Variants in ZHX2 observed in about 807,000 individuals in gnomAD.
ZHX2 encodes zinc fingers and homeoboxes 2.
Under a neutral mutation model 21.9 loss-of-function variants are expected in ZHX2, and 6 were observed. That is an observed-to-expected ratio of 0.27 (90% CI 0.15 to 0.54). The LOEUF (loss-of-function observed/expected upper bound fraction) is 0.54, where lower values mean the gene tolerates loss of function less well. Ranked by LOEUF, ZHX2 falls within the 20% of genes least tolerant of loss-of-function variation. The probability of loss-of-function intolerance (pLI) is 0.95; values close to 1 mark genes in which losing one functional copy is unlikely to be tolerated. For synonymous variants in ZHX2, 434 were observed against 437.1 expected, an observed-to-expected ratio of 0.99 and a Z score of 0.09; for missense variants, 908 against 1,090.7, an observed-to-expected ratio of 0.83 and a Z score of 2.36.
intron 2 of ZHX2, among the ~76,000 whole-genome samples, chr8:122,914,730 G>A (rs1025540390): frequency 1.3e-5 from 2 of 152,184 alleles, no homozygotes; most frequent in Non-Finnish European, 2.9e-5. Context: ...TCCTGGAAAC[G>A]TGCTTTTCTC....
At chr8:122,803,583 C>G (rs1381375749) in intron 1 of ZHX2, among the ~76,000 whole-genome samples, 1 of 152,264 alleles carries the variant, frequency 6.6e-6, no homozygotes, top group Non-Finnish European at 1.5e-5. Context: ...GCTGTGACAA[C>G]CGAAACTGTC....
chr8:122,835,844 T>C (rs180673811), intron 1 of ZHX2, among the ~76,000 whole-genome samples: 5 of 152,356 alleles, frequency 3.3e-5, no homozygotes, highest in African/African-American at 4.8e-5. Flanking sequence ...GTTAAAATTG[T>C]AAAGTTGAAT....
chr8:122,951,230 G>A (rs551100609), intron 2 of ZHX2, 62 bp from the exon 3 acceptor site: 2 of 377,344 alleles, frequency 5.3e-6, no homozygotes, highest in Non-Finnish European at 9.6e-6. Flanking sequence ...AACTCATAAA[G>A]AAGTGCCAGT....
intron 1 of ZHX2, among the ~76,000 whole-genome samples, chr8:122,819,406 A>C (rs1208940085): frequency 6.6e-6 from 1 of 152,256 alleles, no homozygotes; most frequent in African/African-American, 2.4e-5. Flanking sequence ...GCGTGCTCAC[A>C]GTAGATGCTC....
intron 2 of ZHX2, among the ~76,000 whole-genome samples, chr8:122,890,214 T>C (rs1819944805): frequency 6.6e-6 from 1 of 152,178 alleles, no homozygotes; most frequent in South Asian, 2.1e-4. Context: ...TTGAAGAGAC[T>C]ATCATTTTCC....
chr8:122,834,355 C>T (rs1394380407), intron 1 of ZHX2, among the ~76,000 whole-genome samples: 2 of 152,316 alleles, frequency 1.3e-5, no homozygotes, highest in African/African-American at 2.4e-5. Flanking sequence ...GCTCATAGTC[C>T]GACTTCCAGT....
chr8:122,917,883 A>G (rs1820642975), intron 2 of ZHX2, among the ~76,000 whole-genome samples: 2 of 152,204 alleles, frequency 1.3e-5, no homozygotes, highest in South Asian at 2.1e-4. Flanking sequence ...TCACCAGTCA[A>G]TCACAGCATA....
At chr8:122,824,988 C>T (rs1818232929) in intron 1 of ZHX2, among the ~76,000 whole-genome samples, 1 of 152,264 alleles carries the variant, frequency 6.6e-6, no homozygotes, top group African/African-American at 2.4e-5. Context: ...AACATTGACT[C>T]TCCTGCCTGG....
chr8:122,913,868 G>A (rs762988001), intron 2 of ZHX2, among the ~76,000 whole-genome samples: 2 of 152,208 alleles, frequency 1.3e-5, no homozygotes, highest in Non-Finnish European at 2.9e-5. Context: ...AGAGGGGGAT[G>A]TGTACCCATA....
At chr8:122,886,708 A>C (rs1306849777) in intron 2 of ZHX2, among the ~76,000 whole-genome samples, 1 of 152,204 alleles carries the variant, frequency 6.6e-6, no homozygotes. Context: ...AAATTATTGT[A>C]ATCATAATAG....
chr8:122,970,770 C>G (rs560642992), intron 3 of ZHX2, among the ~76,000 whole-genome samples: 1 of 152,198 alleles, frequency 6.6e-6, no homozygotes, highest in Non-Finnish European at 1.5e-5. Context: ...TGGAAAGCAC[C>G]GGCAGAGGCT....
rs942149029 is a variant in ZHX2, at chr8:122,933,656, TA to T, written c.-219-17627del. Among the ~76,000 whole-genome samples the T allele has an allele frequency of 5.3e-5, 8 of 151,376 alleles. No individual in the cohort carries two copies. The South Asian group carries it at 6.3e-4, about 12-fold the overall frequency. ...AAAATATGTCTTAATCTTATTGCTT[TA>T]AAAAAAAATAAAACAAGATTATTGC... On this transcript the variant is annotated intron_variant, in intron 2 of 3. Coordinates refer to ENST00000314393, the MANE Select transcript of ZHX2 (RefSeq NM_014943.5).
At position 122,972,134 on chromosome 8, in the gene ZHX2, GTC is replaced by G. The variant is rs1215819412; in HGVS notation, c.*5-1104_*5-1103del. ...TCACATCTTCCCTCTATGCACATCTGTCTCTGTGTCCAAATTTCCCCCTTCTG... is the reference window on the plus strand; with the variant it reads ...TCACATCTTCCCTCTATGCACATCTGTCTGTGTCCAAATTTCCCCCTTCTG... On this transcript the variant is annotated intron_variant, in intron 3 of 3. Coordinates refer to ENST00000314393, the MANE Select transcript of ZHX2 (RefSeq NM_014943.5). Among the ~76,000 whole-genome samples, 3 of 152,238 alleles carry G rather than the reference GTC, an allele frequency of 2.0e-5. No homozygotes were observed. The South Asian group carries it at 6.2e-4, about 32-fold the overall frequency.
chr8:122,884,933 A>G (rs1174282655), intron 2 of ZHX2, among the ~76,000 whole-genome samples: 1 of 152,210 alleles, frequency 6.6e-6, no homozygotes, highest in African/African-American at 2.4e-5. Flanking sequence ...ATGGGAAGCC[A>G]TTGGAGCCGG....
chr8:122,822,816 C>T (rs908791830), intron 1 of ZHX2, among the ~76,000 whole-genome samples: 1 of 152,092 alleles, frequency 6.6e-6, no homozygotes, highest in African/African-American at 2.4e-5. Flanking sequence ...GCGCGGAGCC[C>T]GGCGGATGGT....
At chr8:122,860,905 T>TG (rs1819149473) in intron 1 of ZHX2, among the ~76,000 whole-genome samples, 1 of 151,962 alleles carries the variant, frequency 6.6e-6, no homozygotes, top group African/African-American at 2.4e-5. Context: ...TGGCAGTGCA[T>TG]GCCTGTAGTC....
At chr8:122,957,554 G>T (rs533231673) in intron 3 of ZHX2, among the ~76,000 whole-genome samples, 1 of 152,052 alleles carries the variant, frequency 6.6e-6, no homozygotes, top group African/African-American at 2.4e-5. Flanking sequence ...CCCAACCTCC[G>T]CCTCCCAGGT....
chr8:122,972,534 T>G (rs1377975739), intron 3 of ZHX2, among the ~76,000 whole-genome samples: 1 of 152,174 alleles, frequency 6.6e-6, no homozygotes, highest in African/African-American at 2.4e-5. Context: ...AAAATAAGAA[T>G]AATAATAATA....
chr8:122,814,576 A>G (rs755627464), intron 1 of ZHX2, among the ~76,000 whole-genome samples: 4 of 152,264 alleles, frequency 2.6e-5, no homozygotes, highest in African/African-American at 7.2e-5. Context: ...AGAAGTCACT[A>G]TAATTAAACC....
Sources: allele counts gnomAD v4.1 joint callset (sites outside exome capture counted in the v4.1 genomes callset), GRCh38; gene constraint gnomAD v4.1.1; transcripts MANE v1.5; gene names NCBI Gene and HGNC (gene_info 2026-07-23, HGNC 2026-07-21).